ADAM9: variants seen among roughly 807,000 people sequenced by gnomAD.
ADAM9 encodes ADAM metallopeptidase domain 9.
A neutral mutation model predicts 108.1 loss-of-function variants in ADAM9; 54 were observed. The ratio of observed to expected loss-of-function variants is 0.50; its 90% CI spans 0.40 to 0.63. ADAM9 has a LOEUF of 0.63. ADAM9 is among the 20% of genes least tolerant of loss of function. The pLI is 0.00. For missense variants in ADAM9, 830 were observed against 997.7 expected, an observed-to-expected ratio of 0.83 and a Z score of 2.26; for synonymous variants, 316 against 336.0, an observed-to-expected ratio of 0.94 and a Z score of 0.65.
At chr8:39,048,253 A>G (rs891109199) in intron 12 of ADAM9, among the ~76,000 whole-genome samples, 2 of 151,834 alleles carry the variant, frequency 1.3e-5, no homozygotes, top group East Asian at 3.9e-4. Context: ...GTTTTTACAT[A>G]TTGTGTTTTT....
chr8:39,072,594 C>T (rs1048598937), intron 15 of ADAM9, among the ~76,000 whole-genome samples: 3 of 152,236 alleles, frequency 2.0e-5, no homozygotes, highest in Admixed American at 6.5e-5. Context: ...GAAGCTCCAG[C>T]CCTGCTGGCC....
At chr8:39,057,205 CTG>C (rs1434765385) in intron 14 of ADAM9, among the ~76,000 whole-genome samples, 3 of 151,958 alleles carry the variant, frequency 2.0e-5, no homozygotes, top group South Asian at 2.1e-4. Context: ...TAAGTGCACT[CTG>C]TGATGTTTGC....
At chr8:39,035,443 CG>C (rs1438526484) in intron 11 of ADAM9, among the ~76,000 whole-genome samples, 1 of 152,010 alleles carries the variant, frequency 6.6e-6, no homozygotes, top group Non-Finnish European at 1.5e-5. Flanking sequence ...TTTATCTGCT[CG>C]TTTTTTTCTT....
chr8:39,045,159 CATACATATATGTGTATATAT>C (rs1837637470), intron 12 of ADAM9, among the ~76,000 whole-genome samples: 1 of 104,126 alleles, frequency 9.6e-6, no homozygotes, highest in East Asian at 2.8e-4. Context: ...TATGTGTATA[CATACATATATGTGTATATAT>C]GTGTATACAT....
chr8:39,049,680 C>T (rs938955721), intron 12 of ADAM9, among the ~76,000 whole-genome samples: 3 of 152,268 alleles, frequency 2.0e-5, no homozygotes, highest in African/African-American at 7.2e-5. Context: ...CTCAAGTGAT[C>T]TGCCTGCCTC....
At chr8:39,027,657 G>A (rs72638573) in intron 11 of ADAM9, among the ~76,000 whole-genome samples, 23 of 152,300 alleles carry the variant, frequency 1.5e-4, no homozygotes, top group Non-Finnish European at 2.9e-4. Context: ...ATGCAGATTC[G>A]TTGTAATGCC....
intron 14 of ADAM9, among the ~76,000 whole-genome samples, chr8:39,065,179 A>G (rs866031588): frequency 2.4e-4 from 34 of 143,712 alleles, no homozygotes; most frequent in African/African-American, 8.6e-4. Context: ...GGATTTTCTT[A>G]TCTTTCCTGT....
At chr8:39,044,794 G>T (rs549930336) in intron 12 of ADAM9, among the ~76,000 whole-genome samples, 1 of 152,182 alleles carries the variant, frequency 6.6e-6, no homozygotes, top group South Asian at 2.1e-4. Flanking sequence ...CCATGTTGCT[G>T]CAGAGGACAT....
intron 11 of ADAM9, among the ~76,000 whole-genome samples, chr8:39,040,766 C>T (rs529267716): frequency 5.3e-5 from 8 of 152,082 alleles, no homozygotes; most frequent in East Asian, 1.9e-4. Context: ...ACCGATGGAA[C>T]GGAATAGAGA....
At position 39,103,403 on chromosome 8, in the gene ADAM9, ATTAT is replaced by A. The variant is rs529752034; in HGVS notation, c.2367-200_2367-197del. On this transcript the variant is annotated intron_variant, in intron 21 of 21. Coordinates refer to ENST00000487273, the MANE Select transcript of ADAM9 (RefSeq NM_003816.3). ...ACAACATTGTTGATTATGGAGTAATATTATTTAAAGTAGTTATTCCATTTTAGAC... is the reference window on the plus strand; with the variant it reads ...ACAACATTGTTGATTATGGAGTAATATTAAAGTAGTTATTCCATTTTAGAC... 8.1e-4 allele frequency among the ~76,000 whole-genome samples: 123 copies of A among 151,810 alleles called. 1 individual carries two copies. The highest frequency in any genetic ancestry group is 1.4e-3 in the Non-Finnish European group (97 of 67,962).
chr8:39,102,843 C>A (rs1363203286), intron 21 of ADAM9, among the ~76,000 whole-genome samples: 2 of 152,176 alleles, frequency 1.3e-5, no homozygotes. Flanking sequence ...GGCTTAAAAT[C>A]ATCAGGAAGG....
At chr8:39,035,841 CA>C (rs1227827305) in intron 11 of ADAM9, among the ~76,000 whole-genome samples, 2 of 151,170 alleles carry the variant, frequency 1.3e-5, no homozygotes, top group Admixed American at 6.6e-5. Context: ...CAAAACAAAA[CA>C]AAAAAAAGAA....
At position 39,007,047 on chromosome 8, in the gene ADAM9, G is replaced by T. The variant is rs560809101; in HGVS notation, c.98-839G>T. Among the ~76,000 whole-genome samples, 20 of 152,276 alleles carry T rather than the reference G, an allele frequency of 1.3e-4. No homozygotes were observed. The East Asian group carries it at 3.5e-3, about 26-fold the overall frequency. ...ACTGGGTAATTTATAAAGAAAAGAG[G>T]TTTATTTGATTCACTGCAGGCTGTA... On this transcript the variant is annotated intron_variant, in intron 1 of 21. Transcript: ENST00000487273.
intron 1 of ADAM9, 151 bp downstream of exon 1, chr8:38,997,311 G>T (rs1835848201): frequency 1.1e-6 from 1 of 892,164 alleles, no homozygotes; most frequent in African/African-American, 1.7e-5. Context: ...TGTGCGGACC[G>T]GGGTCGCACC....
At chr8:39,022,255 A>G (rs1463109989) in intron 8 of ADAM9, among the ~76,000 whole-genome samples, 2 of 152,312 alleles carry the variant, frequency 1.3e-5, no homozygotes, top group Admixed American at 6.5e-5. Flanking sequence ...TGATGATAGC[A>G]TTCACTTGAG....
chr8:39,077,911 T>A (rs1322352895), intron 16 of ADAM9, among the ~76,000 whole-genome samples: 2 of 151,980 alleles, frequency 1.3e-5, no homozygotes, highest in Non-Finnish European at 2.9e-5. Context: ...TTAAGGAGGG[T>A]AATTAAGAGT....
intron 1 of ADAM9, among the ~76,000 whole-genome samples, chr8:39,004,388 A>G (rs1836094920): frequency 1.3e-5 from 2 of 151,754 alleles, no homozygotes; most frequent in South Asian, 2.1e-4. Context: ...TAATTTTTAA[A>G]TTTTTTTGAA....
rs1473009633 is a variant in ADAM9 at position 39,025,842 on chromosome 8, G to T, written c.954G>T (p.Val318=). 1 of 1,614,006 alleles carries T rather than the reference G, an allele frequency of 6.2e-7. No homozygotes were observed. The highest frequency in any genetic ancestry group is 8.5e-7 in the Non-Finnish European group (1 of 1,180,034). The change falls in exon 10 of 22, where the codon GTG becomes GTT. Residue 318 remains valine, a synonymous_variant. Coordinates refer to ENST00000487273, the MANE Select transcript of ADAM9 (RefSeq NM_003816.3). ...GTGGAACTGCAGGAATGGCATTTGT[G>T]GGAACAGTGTGTTCAAGGAGCCACG... is the stretch of plus-strand genomic sequence containing the variant. ...GFGGTAGMAF[V]GTVCSRSHAG... is the part of the protein sequence containing the mutation.
chr8:39,056,406 G>A (rs1314726165), intron 14 of ADAM9, among the ~76,000 whole-genome samples: 1 of 151,976 alleles, frequency 6.6e-6, no homozygotes, highest in Non-Finnish European at 1.5e-5. Flanking sequence ...TTGGCAATGC[G>A]ACGTTTTGAT....
Sources: gnomAD v4.1 joint callset for allele counts (sites outside exome capture counted in the v4.1 genomes callset) on GRCh38, gnomAD v4.1.1 for gene constraint, MANE v1.5 for transcripts, NCBI Gene and HGNC (gene_info 2026-07-23, HGNC 2026-07-21) for gene names.